Variants in DIP2C observed in about 807,000 individuals in gnomAD.
The protein encoded by DIP2C is DIP2 acetate--CoA ligase C (putative).
DIP2C carries 33 observed loss-of-function variants against 192.4 expected under a neutral mutation model. That is an observed-to-expected ratio of 0.17 (90% CI 0.13 to 0.23). DIP2C has a LOEUF of 0.23. Ranked by LOEUF, DIP2C falls within the 10% of genes least tolerant of loss-of-function variation. The pLI is 1.00. For missense variants in DIP2C, 1,537 were observed against 2,110.1 expected, an observed-to-expected ratio of 0.73 and a Z score of 5.32; for synonymous variants, 979 against 864.1, an observed-to-expected ratio of 1.13 and a Z score of -2.33.
At chr10:518,657 C>T (rs535266050) in intron 1 of DIP2C, among the ~76,000 whole-genome samples, 15 of 152,320 alleles carry the variant, frequency 9.8e-5, no homozygotes, top group East Asian at 1.9e-4. Context: ...ACCCTCATGC[C>T]ACCTTCCACC....
In DIP2C at chr10:383,933, A is replaced by T. The variant is rs1018238280; in HGVS notation, c.1876+94T>A. On this transcript the variant is annotated intron_variant, in intron 16 of 36. Coordinates refer to ENST00000280886, the MANE Select transcript of DIP2C (RefSeq NM_014974.3). ...AAAGAATGAAACCTGGGGAAAAAATAAAAAAGACTTCACAGCCTGCCTGCC... is the reference window on the plus strand; with the variant it reads ...AAAGAATGAAACCTGGGGAAAAAATTAAAAAGACTTCACAGCCTGCCTGCC... 1.7e-5 allele frequency: 24 copies of T among 1,388,560 alleles called. No homozygotes were observed. The East Asian group carries it at 5.9e-4, about 34-fold the overall frequency. The allele number at this position is 1,388,560 out of a possible 1,614,324, so 86.0% of individuals were successfully genotyped here.
At chr10:656,575 T>C (rs1001416276) in intron 1 of DIP2C, among the ~76,000 whole-genome samples, 1 of 152,226 alleles carries the variant, frequency 6.6e-6, no homozygotes, top group African/African-American at 2.4e-5. Context: ...TAGAATTCTG[T>C]CTCTATGATT....
At chr10:585,515 G>A (rs540498850) in intron 1 of DIP2C, among the ~76,000 whole-genome samples, 75 of 152,198 alleles carry the variant, frequency 4.9e-4, no homozygotes, top group Middle Eastern at 3.2e-3. Flanking sequence ...TCACGGCCCA[G>A]GTGATGTGGG....
chr10:284,446 C>G (rs1360783501), intron 34 of DIP2C, among the ~76,000 whole-genome samples: 1 of 152,182 alleles, frequency 6.6e-6, no homozygotes, highest in Non-Finnish European at 1.5e-5. Flanking sequence ...CTGCCATTTG[C>G]AACAGCATGG....
chr10:598,986 A>G (rs1851890127), intron 1 of DIP2C, among the ~76,000 whole-genome samples: 1 of 152,248 alleles, frequency 6.6e-6, no homozygotes. Flanking sequence ...AGGCACAGGC[A>G]CGGCCCCCGG....
At chr10:486,987 C>T (rs148183294) in intron 1 of DIP2C, among the ~76,000 whole-genome samples, 3 of 152,328 alleles carry the variant, frequency 2.0e-5, no homozygotes, top group Non-Finnish European at 2.9e-5. Context: ...GGACTTGAAG[C>T]CGCCACAGTG....
chr10:542,304 A>C (rs1053359540), intron 1 of DIP2C, among the ~76,000 whole-genome samples: 4 of 152,234 alleles, frequency 2.6e-5, no homozygotes, highest in Admixed American at 6.5e-5. Context: ...TGCAGTGCCC[A>C]GAACGTCATG....
intron 1 of DIP2C, among the ~76,000 whole-genome samples, chr10:519,295 C>G (rs1223133817): frequency 6.6e-6 from 1 of 152,200 alleles, no homozygotes; most frequent in South Asian, 2.1e-4. Context: ...GACAGGGGAG[C>G]CCCTGGGATG....
At chr10:489,518 C>A (rs1226247489) in intron 1 of DIP2C, among the ~76,000 whole-genome samples, 1 of 152,240 alleles carries the variant, frequency 6.6e-6, no homozygotes, top group Non-Finnish European at 1.5e-5. Context: ...CAAGGCCTGA[C>A]CTTCAATCAA....
chr10:351,289 G>A (rs1037296857), intron 24 of DIP2C, among the ~76,000 whole-genome samples: 3 of 152,238 alleles, frequency 2.0e-5, no homozygotes, highest in African/African-American at 7.2e-5. Context: ...GCGGGGCACG[G>A]TGAGTGGAAG....
intron 4 of DIP2C, among the ~76,000 whole-genome samples, chr10:425,452 C>G (rs143577564): frequency 6.6e-6 from 1 of 151,036 alleles, no homozygotes; most frequent in Admixed American, 6.6e-5. Context: ...ACGGATGATA[C>G]AGCATGACCA....
chr10:277,361 G>A lies in DIP2C; in HGVS notation c.4635C>T (p.Asp1545=). Residue 1545 remains aspartate (D), a synonymous_variant, in exon 37 of 37, where the codon GAC becomes GAT. Coordinates refer to ENST00000280886, the MANE Select transcript of DIP2C (RefSeq NM_014974.3). ...RMHLRDGFLA[D]QLDPIYVAYN... is the part of the protein sequence containing the mutation. ...AGGCCACATAGATGGGGTCTAGCTG[G>A]TCTGCCAAAAACCCGTCTCGCAGGT... The A allele has an allele frequency of 6.2e-7, 1 of 1,614,150 alleles. No homozygotes were observed.
At chr10:432,250 G>T (rs1366224512) in intron 4 of DIP2C, among the ~76,000 whole-genome samples, 2 of 152,192 alleles carry the variant, frequency 1.3e-5, no homozygotes, top group African/African-American at 4.8e-5. Context: ...TGTTCTGAAA[G>T]AGATTGTAGA....
At chr10:423,397 G>C (rs759453362) in intron 4 of DIP2C, among the ~76,000 whole-genome samples, 1 of 152,242 alleles carries the variant, frequency 6.6e-6, no homozygotes, top group Non-Finnish European at 1.5e-5. Flanking sequence ...CTGAGGGCCT[G>C]TGCGGCTCTC....
chr10:395,672 T>G (rs1475444410), intron 10 of DIP2C, among the ~76,000 whole-genome samples: 2 of 152,170 alleles, frequency 1.3e-5, no homozygotes, highest in African/African-American at 4.8e-5. Context: ...AGGGTTATAT[T>G]GGCACAGAGA....
At chr10:685,363 A>G (rs1378140977) in intron 1 of DIP2C, among the ~76,000 whole-genome samples, 3 of 151,870 alleles carry the variant, frequency 2.0e-5, no homozygotes, top group Admixed American at 2.0e-4. Context: ...GGCTACATTA[A>G]CTAGCAGAGC....
chr10:356,277 A>C, intron 24 of DIP2C, 149 bp downstream of exon 24: 1 of 862,430 alleles, frequency 1.2e-6, no homozygotes, highest in Non-Finnish European at 1.9e-6. Flanking sequence ...ATCCCTAGGT[A>C]CAAAAGTCTC....
chr10:554,600 G>GA (rs1848746390), intron 1 of DIP2C, among the ~76,000 whole-genome samples: 1 of 152,246 alleles, frequency 6.6e-6, no homozygotes, highest in Admixed American at 6.5e-5. Flanking sequence ...GAAGGGGCAA[G>GA]ACCCCGGTTC....
chr10:597,498 G>C (rs983095961), intron 1 of DIP2C, among the ~76,000 whole-genome samples: 1 of 152,212 alleles, frequency 6.6e-6, no homozygotes, highest in African/African-American at 2.4e-5. Flanking sequence ...GGTGAATGGA[G>C]ACCAATGGAC....
Sources: allele counts gnomAD v4.1 joint callset (sites outside exome capture counted in the v4.1 genomes callset), GRCh38; gene constraint gnomAD v4.1.1; transcripts MANE v1.5; gene names NCBI Gene and HGNC (gene_info 2026-07-23, HGNC 2026-07-21).